MCOLN2: variants seen among roughly 807,000 people sequenced by gnomAD.
MCOLN2 encodes the protein mucolipin-2.
In MCOLN2, 57 loss-of-function variants were observed where a neutral mutation model predicts 67.5. The ratio of observed to expected loss-of-function variants is 0.84; its 90% CI spans 0.68 to 1.05. The LOEUF is 1.05. Among genes scored for constraint, MCOLN2 ranks in the 50% least tolerant of loss-of-function variants. The pLI is 0.00. For missense variants in MCOLN2, 620 were observed against 678.8 expected (o/e 0.91, Z 0.96); for synonymous variants, 246 against 233.3 (o/e 1.05, Z -0.50).
rs769882699 is a variant in MCOLN2 at position 84,958,691 on chromosome 1, A to G, written c.249T>C (p.Phe83=). 1.8e-5 allele frequency: 28 copies of G among 1,575,906 alleles called. No homozygotes were observed. The highest frequency in any genetic ancestry group is 8.2e-5 in the Admixed American group (4 of 48,874). The change falls in exon 3 of 14, where the codon TTT becomes TTC. Residue 83 remains phenylalanine, a synonymous_variant. Transcript: ENST00000370608. ...IVMVTTQLVR[F]GLSNQLVVAF... ...CAACCACCAGCTGGTTACTTAAACC[A>G]AAACGAACAAGCTAAAAAATAAAAT... is the stretch of plus-strand genomic sequence containing the variant.
intron 3 of MCOLN2, 37 bp from the exon 4 acceptor site, chr1:84,956,621 C>T: frequency 2.0e-6 from 3 of 1,522,340 alleles, no homozygotes; most frequent in Non-Finnish European, 2.6e-6. Context: ...CACATATGAC[C>T]TTTTATAACT....
chr1:84,943,178 G>A (rs1052337924), intron 7 of MCOLN2, among the ~76,000 whole-genome samples: 6 of 152,054 alleles, frequency 3.9e-5, no homozygotes, highest in Admixed American at 6.6e-5. Context: ...GCTAAGTTGC[G>A]GCAGAGTGAA....
chr1:84,977,130 A>AT (rs71292915), intron 1 of MCOLN2, among the ~76,000 whole-genome samples: 53,039 of 151,434 alleles, frequency 0.35, 9,564 homozygotes, highest in African/African-American at 0.42. Context: ...TTTATTAGTT[A>AT]TTTTTTTTGC....
intron 1 of MCOLN2, among the ~76,000 whole-genome samples, chr1:84,985,991 A>C (rs1247107782): frequency 1.3e-5 from 2 of 152,218 alleles, no homozygotes; most frequent in Admixed American, 1.3e-4. Context: ...CTGAAGCAAG[A>C]CTAAGCAAAA....
At position 84,926,683 on chromosome 1, in the gene MCOLN2, C is replaced by G; in HGVS notation, c.*2G>C. The G allele has an allele frequency of 6.3e-7, 1 of 1,591,204 alleles. No individual in the cohort carries two copies. The highest frequency in any genetic ancestry group is 8.6e-7 in the Non-Finnish European group (1 of 1,165,700). ...TGAACTTTAATCATCTTTAGCAGAACTTTAGCTAATAGGTATCAAGTGATC... is the reference window on the plus strand; with the variant it reads ...TGAACTTTAATCATCTTTAGCAGAAGTTTAGCTAATAGGTATCAAGTGATC... On this transcript the variant is annotated 3_prime_UTR_variant, in exon 14 of 14. Coordinates refer to ENST00000370608, the MANE Select transcript of MCOLN2 (RefSeq NM_153259.4).
At chr1:84,990,468 A>G (rs1650836765) in intron 1 of MCOLN2, among the ~76,000 whole-genome samples, 1 of 152,118 alleles carries the variant, frequency 6.6e-6, no homozygotes, top group South Asian at 2.1e-4. Flanking sequence ...TCAAACTTCT[A>G]TGGATTTATA....
intron 11 of MCOLN2, among the ~76,000 whole-genome samples, chr1:84,932,670 G>A (rs1647237434): frequency 6.6e-6 from 1 of 152,038 alleles, no homozygotes; most frequent in African/African-American, 2.4e-5. Flanking sequence ...AAATAATTAA[G>A]TCCTTAAAAC....
intron 7 of MCOLN2, among the ~76,000 whole-genome samples, chr1:84,944,556 A>AG (rs1354680841): frequency 7.2e-5 from 11 of 152,166 alleles, no homozygotes; most frequent in Admixed American, 3.3e-4. Flanking sequence ...AAAGAAAGAA[A>AG]AAAAACATCT....
chr1:84,983,173 A>G (rs1441282836), intron 1 of MCOLN2, among the ~76,000 whole-genome samples: 2 of 152,092 alleles, frequency 1.3e-5, no homozygotes, highest in Non-Finnish European at 2.9e-5. Flanking sequence ...CAGCAACCCA[A>G]ATCTGTGTGG....
At chr1:84,978,799 A>T (rs115244354) in intron 1 of MCOLN2, among the ~76,000 whole-genome samples, 2,055 of 152,062 alleles carry the variant, frequency 0.014, 48 homozygotes, top group African/African-American at 0.047. Context: ...TATGTGTATA[A>T]ATATATATAT....
At chr1:84,952,393 TCTC>T in intron 5 of MCOLN2, 50 bp downstream of exon 5, 8 of 1,564,048 alleles carry the variant, frequency 5.1e-6, no homozygotes, top group Non-Finnish European at 7.1e-6. Context: ...TATATACTAT[TCTC>T]CTTCTCCCAC....
rs751178584 is a variant in MCOLN2, at chr1:84,947,041, A to C, written c.839T>G (p.Phe280Cys). The C allele has an allele frequency of 8.6e-6, 13 of 1,514,774 alleles. No individual in the cohort carries two copies. Among genetic ancestry groups the C allele is most frequent in the African/African-American group, 1.4e-5 (1 of 72,960 alleles). The allele number at this position is 1,514,774 out of a possible 1,614,324, so 93.8% of individuals were successfully genotyped here. ...KIEECKDLNI[F>C]GSTQKNAQYV... ...GTATATAGCATACTTACTAGATCCA[A>C]ATATGTTCAAGTCTTTACATTCTTC... Residue 280 changes from phenylalanine to cysteine, a missense_variant, in exon 7 of 14, where the codon TTT becomes TGT. Phe to Cys is a radical substitution (Grantham distance 205, BLOSUM62 -2). Transcript: ENST00000370608.
chr1:84,933,934 A>C (rs951910293), intron 11 of MCOLN2, among the ~76,000 whole-genome samples: 2 of 152,226 alleles, frequency 1.3e-5, no homozygotes. Flanking sequence ...AGTCAATTTT[A>C]GGTGTTTGGT....
At chr1:84,957,357 G>T (rs575783016) in intron 3 of MCOLN2, among the ~76,000 whole-genome samples, 13 of 152,222 alleles carry the variant, frequency 8.5e-5, no homozygotes, top group African/African-American at 3.1e-4. Flanking sequence ...TTGGCTATCT[G>T]CACTAATAGG....
At chr1:84,929,403 T>C (rs1661298203) in intron 13 of MCOLN2, among the ~76,000 whole-genome samples, 155 bp downstream of exon 13, 1 of 152,212 alleles carries the variant, frequency 6.6e-6, no homozygotes, top group African/African-American at 2.4e-5. Flanking sequence ...ATAATTCATT[T>C]CTAAAGCCAA....
intron 2 of MCOLN2, among the ~76,000 whole-genome samples, chr1:84,963,183 A>G (rs1297991954): frequency 1.3e-5 from 2 of 152,142 alleles, no homozygotes; most frequent in Non-Finnish European, 2.9e-5. Context: ...TAAAAAGGGG[A>G]TTATAATTGA....
intron 1 of MCOLN2, among the ~76,000 whole-genome samples, chr1:84,984,759 G>C (rs1410788470): frequency 6.6e-6 from 1 of 152,152 alleles, no homozygotes; most frequent in African/African-American, 2.4e-5. Context: ...ACTTTGGGAG[G>C]CCAAGGCGGT....
intron 1 of MCOLN2, among the ~76,000 whole-genome samples, chr1:84,978,784 ATGTATATG>A (rs1313239897): frequency 1.3e-5 from 2 of 152,134 alleles, no homozygotes; most frequent in Admixed American, 6.6e-5. Context: ...AACTAATGGA[ATGTATATG>A]TGTATAAATA....
At chr1:84,974,082 G>A (rs1161051116) in intron 1 of MCOLN2, among the ~76,000 whole-genome samples, 3 of 152,142 alleles carry the variant, frequency 2.0e-5, no homozygotes, top group Non-Finnish European at 2.9e-5. Context: ...GCCCACCCAC[G>A]GAGGGAACAT....
Sources: allele counts gnomAD v4.1 joint callset (sites outside exome capture counted in the v4.1 genomes callset), GRCh38; gene constraint gnomAD v4.1.1; transcripts MANE v1.5; gene names NCBI Gene and HGNC (gene_info 2026-07-23, HGNC 2026-07-21).